SRP72: variants seen among roughly 807,000 people sequenced by gnomAD.
The protein encoded by SRP72 is signal recognition particle 72.
Under a neutral mutation model 96.3 loss-of-function variants are expected in SRP72, and 49 were observed. The observed-to-expected ratio is 0.51, with a 90% confidence interval of 0.40 to 0.65. SRP72 has a LOEUF of 0.65. SRP72 is among the 30% of genes least tolerant of loss of function. SRP72 has a pLI of 0.00. For synonymous variants in SRP72, 267 were observed against 275.2 expected (o/e 0.97, Z 0.30); for missense variants, 736 against 793.3 (o/e 0.93, Z 0.87).
Position 56,478,439 on chromosome 4 carries a change from A to T in SRP72, c.703A>T (p.Ile235Phe), listed in dbSNP as rs1475523145. The change falls in exon 7 of 19, where the codon ATT (isoleucine) becomes TTT (phenylalanine). Residue 235 changes from isoleucine to phenylalanine, a missense_variant. Physicochemically the swap from Ile to Phe is conservative, Grantham distance 21 (BLOSUM62 0). Transcript: ENST00000642900. ...LAIIHGQMAY[I>F]LQLQGRTEEA... ...CATCATTCATGGTCAGATGGCTTAT[A>T]TTCTGCAGCTTCAGGGTCGAACAGA... The T allele has an allele frequency of 1.2e-6, 2 of 1,613,738 alleles. No homozygotes were observed.
At chr4:56,475,786 T>G (rs1005486121) in intron 5 of SRP72, 4 of 152,212 alleles carry the variant, frequency 2.6e-5, no homozygotes, top group African/African-American at 9.6e-5. Flanking sequence ...ATTTTAAATT[T>G]ACCTACCCTT....
chr4:56,501,670 T>A lies in SRP72; in HGVS notation c.1839-14T>A. 1.2e-6 allele frequency: 2 copies of A among 1,610,032 alleles called. No homozygotes were observed. The highest frequency in any genetic ancestry group is 1.7e-6 in the Non-Finnish European group (2 of 1,178,796). On this transcript the variant is annotated splice_polypyrimidine_tract_variant and intron_variant, in intron 18 of 18. Coordinates refer to ENST00000642900, the MANE Select transcript of SRP72 (RefSeq NM_006947.4). ...TGAATATATGAGTGACCAAAAATGA[T>A]CTGATGATTTCAGGGATGCCAGTAA...
chr4:56,476,856 G>A (rs1578180163), intron 6 of SRP72, 154 bp downstream of exon 6: 1 of 710,142 alleles, frequency 1.4e-6, no homozygotes, highest in East Asian at 2.8e-5. Flanking sequence ...TCAGTTATTT[G>A]ATGAAGTCTA....
intron 12 of SRP72, among the ~76,000 whole-genome samples, chr4:56,488,559 G>A (rs1039811970): frequency 6.6e-6 from 1 of 152,096 alleles, no homozygotes; most frequent in African/African-American, 2.4e-5. Flanking sequence ...TTCCCTTAAA[G>A]ATTCATATTT....
rs1464808235 is a variant in SRP72, at chr4:56,468,608, A to G, written c.109+864A>G. On this transcript the variant is annotated intron_variant, in intron 1 of 18. Coordinates refer to ENST00000642900, the MANE Select transcript of SRP72 (RefSeq NM_006947.4). ...TAGCTGTTCAGAGTAGCAGTAACCT[A>G]AAAGGTGTGTCAGTAACATGCAAAG... 3.3e-5 allele frequency among the ~76,000 whole-genome samples: 5 copies of G among 152,166 alleles called. No homozygotes were observed. In the South Asian group the frequency reaches 1.0e-3, roughly 32 times the overall value.
chr4:56,484,683 GTTTAA>G, intron 9 of SRP72, 48 bp from the exon 10 acceptor site: 1 of 1,605,812 alleles, frequency 6.2e-7, no homozygotes, highest in Non-Finnish European at 8.5e-7. Context: ...GTCATTTAGT[GTTTAA>G]TTTCATTAAC....
At chr4:56,475,519 A>G (rs1196891313) in intron 5 of SRP72, among the ~76,000 whole-genome samples, 3 of 149,670 alleles carry the variant, frequency 2.0e-5, no homozygotes, top group Non-Finnish European at 3.0e-5. Flanking sequence ...CTGAAATCAT[A>G]CCACTGTATT....
At position 56,467,806 on chromosome 4, in the gene SRP72, GGCGCGCGAGACCACCTC is replaced by G. The variant is rs569497931; in HGVS notation, c.109+68_109+84del. 107 of 1,377,456 alleles carry G rather than the reference GGCGCGCGAGACCACCTC, an allele frequency of 7.8e-5. No homozygotes were observed. In the African/African-American group the frequency reaches 8.2e-4, roughly 11 times the overall value. The allele number at this position is 1,377,456 out of a possible 1,614,324, so 85.3% of individuals were successfully genotyped here. A position where few individuals can be genotyped will look rare whatever the true frequency, so the allele number is the denominator to read the frequency against. On this transcript the variant is annotated intron_variant, in intron 1 of 18. Coordinates refer to ENST00000642900, the MANE Select transcript of SRP72 (RefSeq NM_006947.4). ...CGGCTGGAGGATGCGGCCTGTTTCC[GGCGCGCGAGACCACCTC>G]GCGCGGGAGGCACGGGAAGGGGAGA...
intron 17 of SRP72, among the ~76,000 whole-genome samples, chr4:56,498,141 G>C (rs1167118936): frequency 6.6e-6 from 1 of 151,928 alleles, no homozygotes. Context: ...AGATGTATCT[G>C]TGAAGTTTTT....
intron 17 of SRP72, among the ~76,000 whole-genome samples, chr4:56,495,808 AT>A (rs1721057466): frequency 6.6e-6 from 1 of 152,170 alleles, no homozygotes; most frequent in Non-Finnish European, 1.5e-5. Context: ...GCTTAAGAAA[AT>A]TTACTGTTTA....
At position 56,471,344 on chromosome 4, in the gene SRP72, A is replaced by G. The variant is rs553759606; in HGVS notation, c.231-376A>G. On this transcript the variant is annotated intron_variant, in intron 2 of 18. Transcript: ENST00000642900. Reference sequence around the variant, plus strand: ...GTTTCTTAAACAAGTTTAAAGAAATATGGCTTATTGTTTTGTTAATGAATT... The same window carrying G: ...GTTTCTTAAACAAGTTTAAAGAAATGTGGCTTATTGTTTTGTTAATGAATT... 6.6e-5 allele frequency among the ~76,000 whole-genome samples: 10 copies of G among 152,356 alleles called. No homozygotes were observed. The South Asian group carries it at 1.9e-3, about 28-fold the overall frequency.
chr4:56,488,471 C>G (rs1720794938), intron 12 of SRP72, among the ~76,000 whole-genome samples: 1 of 152,100 alleles, frequency 6.6e-6, no homozygotes, highest in Non-Finnish European at 1.5e-5. Context: ...ATCTTTTGGA[C>G]AGGGGCTGTT....
intron 5 of SRP72, among the ~76,000 whole-genome samples, chr4:56,474,993 T>C (rs1720150010): frequency 1.3e-5 from 2 of 152,172 alleles, no homozygotes; most frequent in Non-Finnish European, 1.5e-5. Flanking sequence ...CTGAAGCTTT[T>C]AATTAAGAAA....
At chr4:56,486,236 A>C in intron 10 of SRP72, 89 bp from the exon 11 acceptor site, 1 of 958,580 alleles carries the variant, frequency 1.0e-6, no homozygotes, top group South Asian at 2.2e-5. Context: ...AACTGGATTT[A>C]AAATCTTATG....
chr4:56,500,595 A>G lies in SRP72; in HGVS notation c.1738A>G (p.Met580Val), dbSNP rs1161460888. The G allele has an allele frequency of 3.7e-6, 6 of 1,614,022 alleles. No individual in the cohort carries two copies. The highest frequency in any genetic ancestry group is 1.3e-5 in the African/African-American group (1 of 75,034). The change falls in exon 18 of 19, where the codon ATG becomes GTG. Residue 580 changes from methionine to valine, a missense_variant. Around this residue, in one of 3 missense-constraint regions of SRP72, gnomAD observed 388 missense variants for 431.8 expected, o/e 0.90. Transcript: ENST00000642900. Reference protein sequence around the residue: ...VTPDPERWLPMRERSYYRGRK... With the variant: ...VTPDPERWLPVRERSYYRGRK... The stretch of plus-strand genomic sequence containing the variant: ...CCCAGATCCAGAAAGATGGCTGCCA[A>G]TGCGAGAACGTTCTTACTACCGGGG...
intron 13 of SRP72, 97 bp from the exon 14 acceptor site, chr4:56,490,236 G>C (rs908049071): frequency 4.6e-6 from 4 of 866,450 alleles, no homozygotes; most frequent in Non-Finnish European, 7.2e-6. Context: ...GGGATCTAAT[G>C]CATAGGTGTA....
chr4:56,471,310 T>A (rs989381571), intron 2 of SRP72, among the ~76,000 whole-genome samples: 2 of 152,242 alleles, frequency 1.3e-5, no homozygotes, highest in African/African-American at 4.8e-5. Context: ...GTTTCTTTGC[T>A]AATCATTTGT....
At position 56,473,491 on chromosome 4, in the gene SRP72, G is replaced by A. The variant is rs193232751; in HGVS notation, c.355-563G>A. ...AAAAAGAAAATCAGTTTTCTGGGTC[G>A]GGTGCGGTGGCTCACGCCTGTAATC... is the stretch of plus-strand genomic sequence containing the variant. On this transcript the variant is annotated intron_variant, in intron 3 of 18. Transcript: ENST00000642900. Among the ~76,000 whole-genome samples, 206 of 151,080 alleles carry A rather than the reference G, an allele frequency of 1.4e-3. 1 individual carries two copies. The highest frequency in any genetic ancestry group is 4.3e-3 in the African/African-American group (177 of 41,236).
chr4:56,473,576 C>T lies in SRP72; in HGVS notation c.355-478C>T, dbSNP rs146934030. Among the ~76,000 whole-genome samples the T allele has an allele frequency of 7.2e-3, 1,095 of 151,558 alleles. 18 individuals are homozygous for T. Among genetic ancestry groups the T allele is most frequent in the African/African-American group, 0.025 (1,037 of 41,318 alleles). On this transcript the variant is annotated intron_variant, in intron 3 of 18. Coordinates refer to ENST00000642900, the MANE Select transcript of SRP72 (RefSeq NM_006947.4). ...TTGAGGTTGGGAGTTTGAGACTAGC[C>T]TGACCATGGAGAAACCCCATCTCTA...
Sources: gnomAD v4.1 joint callset for allele counts (sites outside exome capture counted in the v4.1 genomes callset) on GRCh38, gnomAD v4.1.1 for gene constraint, gnomAD v4.1.1 regional missense constraint, MANE v1.5 for transcripts, NCBI Gene and HGNC (gene_info 2026-07-23, HGNC 2026-07-21) for gene names.